NCK1: variants seen among roughly 807,000 people sequenced by gnomAD.
The protein encoded by NCK1 is NCK adaptor protein 1, also known as SH2/SH3 adapter protein NCK1.
Under a neutral mutation model 36.6 loss-of-function variants are expected in NCK1, and 19 were observed. That is an observed-to-expected ratio of 0.52 (90% CI 0.36 to 0.76). The LOEUF (loss-of-function observed/expected upper bound fraction) is 0.76, where lower values mean the gene tolerates loss of function less well. Ranked by LOEUF, NCK1 falls within the 30% of genes least tolerant of loss-of-function variation. NCK1 has a pLI of 0.00. For synonymous variants in NCK1, 165 were observed against 156.0 expected (o/e 1.06, Z -0.43); for missense variants, 358 against 445.6 (o/e 0.80, Z 1.77).
At chr3:136,884,825 A>G (rs899330017) in intron 1 of NCK1, among the ~76,000 whole-genome samples, 1 of 150,662 alleles carries the variant, frequency 6.6e-6, no homozygotes, top group Non-Finnish European at 1.5e-5. Flanking sequence ...AGTTCAAGGG[A>G]TTCTCCTGCC....
intron 1 of NCK1, among the ~76,000 whole-genome samples, chr3:136,890,282 T>C (rs1939204861): frequency 1.3e-5 from 2 of 152,096 alleles, no homozygotes; most frequent in Admixed American, 1.3e-4. Flanking sequence ...GCCGGCCGGC[T>C]GCTCTGAGTG....
rs773055166 is a variant in NCK1, at chr3:136,928,278, A to T, written c.226+51A>T. 7 of 1,486,202 alleles carry T rather than the reference A, an allele frequency of 4.7e-6. No homozygotes were observed. In the African/African-American group the frequency reaches 8.5e-5, roughly 18 times the overall value. The allele number at this position is 1,486,202 out of a possible 1,614,324, so 92.1% of individuals were successfully genotyped here. On this transcript the variant is annotated intron_variant, in intron 2 of 3. Coordinates refer to ENST00000481752, the MANE Select transcript of NCK1 (RefSeq NM_001291999.2). ...AACTTTGTTTTAAATGAAACCTGCA[A>T]CTTAGTTCTTTGTACATAATTCTGG...
At chr3:136,895,480 AT>A (rs1008882747) in intron 1 of NCK1, among the ~76,000 whole-genome samples, 27 of 151,950 alleles carry the variant, frequency 1.8e-4, no homozygotes, top group East Asian at 5.8e-4. Context: ...GTCAGAATTT[AT>A]TTTTTTCATC....
chr3:136,925,653 A>G (rs2108126892), intron 1 of NCK1, among the ~76,000 whole-genome samples: 1 of 152,302 alleles, frequency 6.6e-6, no homozygotes, highest in East Asian at 1.9e-4. Flanking sequence ...CTGAGCAGTT[A>G]TAATTCCCTG....
At chr3:136,939,883 C>T (rs1349198538) in intron 2 of NCK1, among the ~76,000 whole-genome samples, 2 of 114,578 alleles carry the variant, frequency 1.7e-5, no homozygotes, top group Non-Finnish European at 3.3e-5. Context: ...CAGGGTCTCT[C>T]TTTGTTACCT....
chr3:136,932,069 A>G (rs1022325813), intron 2 of NCK1, among the ~76,000 whole-genome samples: 2 of 151,394 alleles, frequency 1.3e-5, no homozygotes, highest in African/African-American at 4.9e-5. Flanking sequence ...CAGTGAGCCA[A>G]GATTGTGCCA....
chr3:136,932,531 A>G (rs1940420745), intron 2 of NCK1, among the ~76,000 whole-genome samples: 1 of 152,242 alleles, frequency 6.6e-6, no homozygotes, highest in African/African-American at 2.4e-5. Flanking sequence ...ACATATAAAA[A>G]TTTAAATAAA....
intron 2 of NCK1, among the ~76,000 whole-genome samples, chr3:136,945,143 G>A (rs1188132535): frequency 6.6e-6 from 1 of 152,186 alleles, no homozygotes; most frequent in East Asian, 1.9e-4. Flanking sequence ...TCTGATTTAA[G>A]ATAGAAATAA....
intron 1 of NCK1, among the ~76,000 whole-genome samples, chr3:136,888,390 A>G (rs1939130726): frequency 6.6e-6 from 1 of 152,118 alleles, no homozygotes; most frequent in Non-Finnish European, 1.5e-5. Flanking sequence ...TTGTGCAACC[A>G]TCACCACAAT....
intron 2 of NCK1, among the ~76,000 whole-genome samples, chr3:136,940,745 A>G (rs1434351470): frequency 6.6e-6 from 1 of 152,024 alleles, no homozygotes; most frequent in Non-Finnish European, 1.5e-5. Context: ...GAGTTTCACC[A>G]TGTTGGCCAG....
chr3:136,923,656 C>G (rs895201801), intron 1 of NCK1, among the ~76,000 whole-genome samples: 1 of 152,020 alleles, frequency 6.6e-6, no homozygotes, highest in Non-Finnish European at 1.5e-5. Context: ...AAGAAGACCT[C>G]TCTAAATGTT....
In NCK1 at chr3:136,936,260, C is replaced by T. The variant is rs146203926; in HGVS notation, c.226+8033C>T. On this transcript the variant is annotated intron_variant, in intron 2 of 3. Transcript: ENST00000481752. ...TTCACCATGTTGGCCAGGCTGGTCA[C>T]GAACTCCTTACCTCAAGTCATCTGC... Among the ~76,000 whole-genome samples the T allele has an allele frequency of 2.9e-3, 437 of 152,170 alleles. 3 individuals are homozygous for T. Among genetic ancestry groups the T allele is most frequent in the African/African-American group, 0.01 (416 of 41,542 alleles).
At chr3:136,918,810 T>C (rs1017742717) in intron 1 of NCK1, among the ~76,000 whole-genome samples, 3 of 152,204 alleles carry the variant, frequency 2.0e-5, no homozygotes, top group African/African-American at 7.2e-5. Flanking sequence ...GGGCCAACTG[T>C]ATTCATTCAT....
intron 2 of NCK1, among the ~76,000 whole-genome samples, chr3:136,941,019 A>G (rs1178017353): frequency 6.6e-6 from 1 of 151,350 alleles, no homozygotes; most frequent in Non-Finnish European, 1.5e-5. Flanking sequence ...ATTTAAAGTT[A>G]TATCTGATAA....
At chr3:136,892,124 G>A (rs1021864331) in intron 1 of NCK1, among the ~76,000 whole-genome samples, 1 of 152,136 alleles carries the variant, frequency 6.6e-6, no homozygotes, top group Non-Finnish European at 1.5e-5. Flanking sequence ...TTAGCCTCAA[G>A]GGATCCTCCT....
chr3:136,870,441 T>C (rs1938580531), intron 1 of NCK1, among the ~76,000 whole-genome samples: 1 of 151,962 alleles, frequency 6.6e-6, no homozygotes, highest in African/African-American at 2.4e-5. Flanking sequence ...ACAAATACTG[T>C]AATATGTTGT....
intron 1 of NCK1, among the ~76,000 whole-genome samples, chr3:136,876,846 C>G (rs999285390): frequency 6.6e-6 from 1 of 152,072 alleles, no homozygotes; most frequent in Non-Finnish European, 1.5e-5. Context: ...CCCTTCCTGC[C>G]TAAGATCAAT....
At chr3:136,905,883 C>G (rs1330634360) in intron 1 of NCK1, among the ~76,000 whole-genome samples, 2 of 152,108 alleles carry the variant, frequency 1.3e-5, no homozygotes, top group Non-Finnish European at 2.9e-5. Flanking sequence ...CCTCAGTCTC[C>G]CAAAGTGCTA....
At chr3:136,868,307 A>G (rs944843450) in intron 1 of NCK1, among the ~76,000 whole-genome samples, 3 of 152,138 alleles carry the variant, frequency 2.0e-5, no homozygotes, top group African/African-American at 7.2e-5. Context: ...ATTAACAAAA[A>G]TAATATTGTC....
Sources: gnomAD v4.1 joint callset for allele counts (sites outside exome capture counted in the v4.1 genomes callset) on GRCh38, gnomAD v4.1.1 for gene constraint, MANE v1.5 for transcripts, NCBI Gene and HGNC (gene_info 2026-07-23, HGNC 2026-07-21) for gene names.